MTRES1: variants seen among roughly 807,000 people sequenced by gnomAD.
MTRES1 encodes the protein uncharacterized protein C6orf203.
MTRES1 carries 11 observed loss-of-function variants against 17.4 expected under a neutral mutation model. The ratio of observed to expected loss-of-function variants is 0.63; its 90% CI spans 0.40 to 1.05. The LOEUF (loss-of-function observed/expected upper bound fraction) is 1.05, where lower values mean the gene tolerates loss of function less well. Ranked by LOEUF, MTRES1 falls within the 50% of genes least tolerant of loss-of-function variation. The pLI, the probability that MTRES1 is intolerant of heterozygous loss-of-function variation, is 0.00. For synonymous variants in MTRES1, 94 were observed against 99.6 expected (o/e 0.94, Z 0.34); for missense variants, 268 against 276.2 (o/e 0.97, Z 0.21).
At chr6:107,030,086 C>G (rs1401455526) in intron 1 of MTRES1, 3 of 718,368 alleles carry the variant, frequency 4.2e-6, no homozygotes. Flanking sequence ...TTCCTAGTGC[C>G]CAGATTAGTG....
At position 107,038,202 on chromosome 6, in the gene MTRES1, G is replaced by C. The variant is rs149261309; in HGVS notation, c.-12-1547G>C. On this transcript the variant is annotated intron_variant, in intron 1 of 3. Coordinates refer to ENST00000311381, the MANE Select transcript of MTRES1 (RefSeq NM_016487.5). ...GGCCCAAAATGTTAAATATAAATTG[G>C]AAGTAGCTAGCTCCATGTTTTTGAG... Among the ~76,000 whole-genome samples, 127 of 152,228 alleles carry C rather than the reference G, an allele frequency of 8.3e-4. 1 individual carries two copies. Among genetic ancestry groups the C allele is most frequent in the South Asian group, 1.2e-3 (6 of 4,822 alleles).
At chr6:107,045,344 T>C (rs1774355078) in intron 3 of MTRES1, among the ~76,000 whole-genome samples, 1 of 150,896 alleles carries the variant, frequency 6.6e-6, no homozygotes, top group Admixed American at 6.6e-5. Flanking sequence ...ATTAGCCGGG[T>C]GTGGTGGTGG....
intron 3 of MTRES1, among the ~76,000 whole-genome samples, chr6:107,048,902 G>C (rs1166652943): frequency 6.6e-6 from 1 of 150,544 alleles, no homozygotes; most frequent in African/African-American, 2.4e-5. Context: ...AAACAGTCTT[G>C]ACAATAGCTG....
chr6:107,040,303 T>G, intron 2 of MTRES1, 73 bp downstream of exon 2: 1 of 1,370,588 alleles, frequency 7.3e-7, no homozygotes, highest in Admixed American at 2.5e-5. Context: ...ACAAATCACT[T>G]GGCCCATATT....
chr6:107,047,180 A>G (rs1774422373), intron 3 of MTRES1, among the ~76,000 whole-genome samples: 1 of 151,862 alleles, frequency 6.6e-6, no homozygotes, highest in African/African-American at 2.4e-5. Flanking sequence ...CTATGAAAGG[A>G]TATACACAGA....
chr6:107,036,710 G>A (rs1774021369), intron 1 of MTRES1, among the ~76,000 whole-genome samples: 2 of 152,032 alleles, frequency 1.3e-5, no homozygotes, highest in South Asian at 4.1e-4. Flanking sequence ...GGGCGTGGTG[G>A]TGGGCACCTG....
At chr6:107,041,451 C>T (rs1774211533) in intron 2 of MTRES1, among the ~76,000 whole-genome samples, 1 of 152,142 alleles carries the variant, frequency 6.6e-6, no homozygotes, top group Non-Finnish European at 1.5e-5. Context: ...AAGTACTCAA[C>T]ATATGTTGGC....
chr6:107,051,460 A>T lies in MTRES1; in HGVS notation c.*224A>T. On this transcript the variant is annotated 3_prime_UTR_variant, in exon 4 of 4. Transcript: ENST00000311381. The stretch of plus-strand genomic sequence containing the variant: ...GCTCCTTTGACCTCCTCGTGTGAGA[A>T]CCCCTTTGCCAGAGTGAGACGTGTG... 2.2e-6 allele frequency: 1 copy of T among 456,512 alleles called. No homozygotes were observed. Among genetic ancestry groups the T allele is most frequent in the South Asian group, 2.7e-5 (1 of 36,950 alleles). The allele number at this position is 456,512 out of a possible 1,614,324, so 28.3% of individuals were successfully genotyped here.
chr6:107,029,430 G>A (rs1439079200), intron 1 of MTRES1, among the ~76,000 whole-genome samples: 1 of 151,356 alleles, frequency 6.6e-6, no homozygotes, highest in Non-Finnish European at 1.5e-5. Flanking sequence ...TTCCTGATCC[G>A]CACGCCTAAG....
intron 2 of MTRES1, among the ~76,000 whole-genome samples, chr6:107,043,128 G>A (rs374169663): frequency 1.3e-5 from 2 of 151,826 alleles, no homozygotes; most frequent in East Asian, 1.9e-4. Context: ...TCAGGAGATC[G>A]AGACCATCCT....
chr6:107,030,221 T>TAGA, intron 1 of MTRES1: 1 of 714,618 alleles, frequency 1.4e-6, no homozygotes, highest in South Asian at 1.5e-5. Flanking sequence ...CCAGATCCTA[T>TAGA]AGAGCCTTTA....
Position 107,044,228 on chromosome 6 carries a change from T to G in MTRES1, c.471-32T>G, listed in dbSNP as rs200835265. On this transcript the variant is annotated intron_variant, in intron 2 of 3. Coordinates refer to ENST00000311381, the MANE Select transcript of MTRES1 (RefSeq NM_016487.5). ...GCTTGAGTGTACCCATCACCCAAAT[T>G]GTGTACATTGTTGCTTTTTTTTGTT... The G allele has an allele frequency of 1.0e-5, 16 of 1,576,752 alleles. No homozygotes were observed. The East Asian group carries it at 3.6e-4, about 35-fold the overall frequency.
At chr6:107,050,293 GT>G (rs1774549717) in intron 3 of MTRES1, among the ~76,000 whole-genome samples, 1 of 152,242 alleles carries the variant, frequency 6.6e-6, no homozygotes, top group South Asian at 2.1e-4. Context: ...TGAGGCAAGT[GT>G]TGCACTGGAA....
In MTRES1 at chr6:107,028,215, C is replaced by G. The variant is rs924374055; in HGVS notation, c.-69C>G. On this transcript the variant is annotated 5_prime_UTR_variant, in exon 1 of 4. Coordinates refer to ENST00000311381, the MANE Select transcript of MTRES1 (RefSeq NM_016487.5). ...AGGGGCGGGGCGCAGATAGGGGTAG[C>G]CTGGAGGCCTGCAGTCCGCGCGGCC... is the stretch of plus-strand genomic sequence containing the variant. 1 of 152,200 alleles carries G rather than the reference C, an allele frequency of 6.6e-6. No individual in the cohort carries two copies. The highest frequency in any genetic ancestry group is 2.4e-5 in the African/African-American group (1 of 41,450). The allele number at this position is 152,200 out of a possible 1,614,324, so 9.4% of individuals were successfully genotyped here. A position where few individuals can be genotyped will look rare whatever the true frequency, so the allele number is the denominator to read the frequency against.
At chr6:107,048,514 G>T (rs1774470286) in intron 3 of MTRES1, among the ~76,000 whole-genome samples, 1 of 151,222 alleles carries the variant, frequency 6.6e-6, no homozygotes, top group Non-Finnish European at 1.5e-5. Context: ...GGGCGCGGTG[G>T]CTCACACTTG....
chr6:107,038,655 T>C (rs1554227182), intron 1 of MTRES1, among the ~76,000 whole-genome samples: 1 of 152,208 alleles, frequency 6.6e-6, no homozygotes, highest in Non-Finnish European at 1.5e-5. Flanking sequence ...AGAGATTCAC[T>C]CTGGATTTTA....
At chr6:107,034,928 A>C (rs1295622165) in intron 1 of MTRES1, among the ~76,000 whole-genome samples, 4 of 150,796 alleles carry the variant, frequency 2.7e-5, no homozygotes, top group Admixed American at 6.6e-5. Flanking sequence ...CGGAGGTTGC[A>C]GTGAACCGAG....
intron 2 of MTRES1, among the ~76,000 whole-genome samples, chr6:107,043,903 C>T (rs113713931): frequency 2.6e-5 from 4 of 152,252 alleles, no homozygotes; most frequent in African/African-American, 4.8e-5. Flanking sequence ...CCAAGGCGGG[C>T]GGATCACGAG....
At chr6:107,030,648 G>A (rs1309695002) in intron 1 of MTRES1, among the ~76,000 whole-genome samples, 1 of 151,508 alleles carries the variant, frequency 6.6e-6, no homozygotes, top group Non-Finnish European at 1.5e-5. Context: ...CATAGGCACT[G>A]TCTGCCTAGA....
Sources: gnomAD v4.1 joint callset for allele counts (sites outside exome capture counted in the v4.1 genomes callset) on GRCh38, gnomAD v4.1.1 for gene constraint, MANE v1.5 for transcripts, NCBI Gene and HGNC (gene_info 2026-07-23, HGNC 2026-07-21) for gene names.